GLT1D1: variants seen among roughly 807,000 people sequenced by gnomAD.
GLT1D1 encodes the protein glycosyltransferase 1 domain-containing protein 1.
In GLT1D1, 21 loss-of-function variants were observed where a neutral mutation model predicts 28.7. That is an observed-to-expected ratio of 0.73 (90% CI 0.52 to 1.05). The LOEUF is 1.05. Ranked by LOEUF, GLT1D1 falls within the 50% of genes least tolerant of loss-of-function variation. The pLI, the probability that GLT1D1 is intolerant of heterozygous loss-of-function variation, is 0.00. For synonymous variants in GLT1D1, 147 were observed against 124.8 expected, an observed-to-expected ratio of 1.18 and a Z score of -1.19; for missense variants, 343 against 330.6, an observed-to-expected ratio of 1.04 and a Z score of -0.29.
At chr12:128,905,532 GCCTA>G (rs1870760979) in intron 4 of GLT1D1, among the ~76,000 whole-genome samples, 1 of 152,210 alleles carries the variant, frequency 6.6e-6, no homozygotes, top group Non-Finnish European at 1.5e-5. Context: ...GTTTATGATC[GCCTA>G]CCTATCTCTG....
chr12:128,903,965 G>C (rs979149100), intron 4 of GLT1D1, among the ~76,000 whole-genome samples: 3 of 151,810 alleles, frequency 2.0e-5, no homozygotes, highest in African/African-American at 4.9e-5. Flanking sequence ...TCCTGACCAT[G>C]TGATCCGCCC....
chr12:128,954,777 C>T (rs1447996391), intron 6 of GLT1D1, among the ~76,000 whole-genome samples: 1 of 152,076 alleles, frequency 6.6e-6, no homozygotes, highest in East Asian at 1.9e-4. Flanking sequence ...TAGCAAGACC[C>T]CATTGCTACA....
intron 4 of GLT1D1, among the ~76,000 whole-genome samples, chr12:128,905,754 C>T (rs1023735053): frequency 2.0e-5 from 3 of 151,772 alleles, no homozygotes; most frequent in Middle Eastern, 3.2e-3. Flanking sequence ...GCCTAGCACG[C>T]GTGATCAACG....
intron 4 of GLT1D1, among the ~76,000 whole-genome samples, chr12:128,932,119 T>A (rs1347710626): frequency 6.6e-6 from 1 of 152,154 alleles, no homozygotes; most frequent in Non-Finnish European, 1.5e-5. Flanking sequence ...TGGGGCTGCA[T>A]GAAGGTGCTG....
At chr12:128,871,632 G>C (rs545808938) in intron 1 of GLT1D1, among the ~76,000 whole-genome samples, 3 of 152,156 alleles carry the variant, frequency 2.0e-5, no homozygotes, top group Non-Finnish European at 2.9e-5. Context: ...TGAACCTCAT[G>C]TTTCTCTGTG....
intron 4 of GLT1D1, among the ~76,000 whole-genome samples, chr12:128,917,999 A>G (rs11615210): frequency 0.16 from 24,730 of 152,208 alleles, 2,193 homozygotes; most frequent in African/African-American, 0.19. Context: ...TTATAAAGAT[A>G]CATGCACGTG....
At chr12:128,866,364 C>T (rs188822343) in intron 1 of GLT1D1, among the ~76,000 whole-genome samples, 2 of 151,954 alleles carry the variant, frequency 1.3e-5, no homozygotes, top group African/African-American at 2.4e-5. Flanking sequence ...GCACTGCGCC[C>T]GGCAATTGTA....
intron 4 of GLT1D1, 64 bp downstream of exon 8, chr12:128,927,218 T>G (rs905153087): frequency 8.1e-7 from 1 of 1,228,004 alleles, no homozygotes; most frequent in Non-Finnish European, 1.2e-6. Flanking sequence ...TTTTATGTAT[T>G]TTCTACAATC....
At chr12:128,944,264 C>G (rs1212451990) in intron 4 of GLT1D1, 1 of 589,928 alleles carries the variant, frequency 1.7e-6, no homozygotes, top group African/African-American at 1.9e-5. Flanking sequence ...CCACACATTT[C>G]TCCTTATAGA....
chr12:128,945,299 C>T (rs1289856386), intron 4 of GLT1D1, 27 bp from the exon 9 acceptor site: 2 of 1,613,428 alleles, frequency 1.2e-6, no homozygotes, highest in Non-Finnish European at 1.7e-6. Context: ...GCGGCGACCG[C>T]TGACATTTAT....
intron 1 of GLT1D1, among the ~76,000 whole-genome samples, chr12:128,866,067 C>CTTTT (rs1208489895): frequency 6.0e-5 from 8 of 133,484 alleles, no homozygotes; most frequent in Admixed American, 5.5e-4. Context: ...GTGATTGTAC[C>CTTTT]TTTTTTTTTT....
intron 2 of GLT1D1, among the ~76,000 whole-genome samples, chr12:128,887,885 AC>A (rs1160149662): frequency 1.3e-5 from 2 of 152,042 alleles, no homozygotes; most frequent in Non-Finnish European, 2.9e-5. Context: ...TTTTTAGGTG[AC>A]CTTTGGGAGT....
At chr12:128,887,548 C>G (rs73153419) in intron 2 of GLT1D1, among the ~76,000 whole-genome samples, 2,918 of 150,766 alleles carry the variant, frequency 0.019, 176 homozygotes, top group East Asian at 0.12. Flanking sequence ...AAGAGTTGGT[C>G]TTCACCAATG....
intron 3 of GLT1D1, among the ~76,000 whole-genome samples, chr12:128,893,959 C>T (rs1869356158): frequency 6.6e-6 from 1 of 152,126 alleles, no homozygotes; most frequent in Non-Finnish European, 1.5e-5. Context: ...CCTGAAGGGC[C>T]CATTGTCAGG....
At chr12:128,945,239 C>T (rs920218803) in intron 4 of GLT1D1, 87 bp from the exon 9 acceptor site, 3 of 1,366,766 alleles carry the variant, frequency 2.2e-6, no homozygotes, top group African/African-American at 2.9e-5. Flanking sequence ...CGCGCTGGCA[C>T]CAGGGCTTTG....
chr12:128,941,153 T>G (rs1566155140), intron 4 of GLT1D1, among the ~76,000 whole-genome samples: 1 of 152,208 alleles, frequency 6.6e-6, no homozygotes, highest in Non-Finnish European at 1.5e-5. Flanking sequence ...GCTGCCTAAG[T>G]TGGCACTTCC....
Position 128,942,739 on chromosome 12 carries a change from G to GTTTTTTTTTTTTTT in GLT1D1, c.376-2584_376-2583insTTTTTTTTTTTTTT, listed in dbSNP as rs199567989. Reference sequence around the variant, plus strand: ...CTTTAGATTCCAATTTTCTTTGTTTGTTTGTTTTTGTTTTTTGTTTTTTTT... The same window carrying GTTTTTTTTTTTTTT: ...CTTTAGATTCCAATTTTCTTTGTTTGTTTTTTTTTTTTTTTTTGTTTTTGTTTTTTGTTTTTTTT... On this transcript the variant is annotated intron_variant, in intron 4 of 7. Transcript: ENST00000281703. Among the ~76,000 whole-genome samples the GTTTTTTTTTTTTTT allele has an allele frequency of 3.9e-5, 4 of 102,478 alleles. 1 individual carries two copies. The highest frequency in any genetic ancestry group is 8.6e-5 in the African/African-American group (2 of 23,224). 67.2% of individuals were successfully genotyped at this position (102,478 alleles called of 152,430 possible).
At chr12:128,911,304 C>G (rs1871499337) in intron 4 of GLT1D1, among the ~76,000 whole-genome samples, 1 of 152,226 alleles carries the variant, frequency 6.6e-6, no homozygotes, top group South Asian at 2.1e-4. Context: ...TCTCCTTCTT[C>G]CTGTTGATTG....
intron 2 of GLT1D1, 120 bp downstream of exon 2, chr12:128,876,182 T>G (rs916016346): frequency 7.1e-6 from 6 of 845,228 alleles, no homozygotes; most frequent in Non-Finnish European, 1.1e-5. Flanking sequence ...ATGGGAGACA[T>G]GCAATAATCT....
Sources: allele counts gnomAD v4.1 joint callset (sites outside exome capture counted in the v4.1 genomes callset), GRCh38; gene constraint gnomAD v4.1.1; transcripts MANE v1.5; gene names NCBI Gene and HGNC (gene_info 2026-07-23, HGNC 2026-07-21).